NAP1L1: variants seen among roughly 807,000 people sequenced by gnomAD.
The protein encoded by NAP1L1 is nucleosome assembly protein 1-like 1.
NAP1L1 carries 9 observed loss-of-function variants against 58.9 expected under a neutral mutation model. The ratio of observed to expected loss-of-function variants is 0.15; its 90% CI spans 0.09 to 0.27. The LOEUF (loss-of-function observed/expected upper bound fraction) is 0.27, where lower values mean the gene tolerates loss of function less well. Among genes scored for constraint, NAP1L1 ranks in the 10% least tolerant of loss-of-function variants. The pLI is 1.00. For missense variants in NAP1L1, 302 were observed against 458.8 expected (o/e 0.66, Z 3.12); for synonymous variants, 130 against 138.3 (o/e 0.94, Z 0.42).
chr12:76,046,854 T>C lies in NAP1L1; in HGVS notation c.*1575A>G, dbSNP rs913985585. 5.2e-5 allele frequency: 8 copies of C among 152,496 alleles called. No homozygotes were observed. The highest frequency in any genetic ancestry group is 1.0e-4 in the Non-Finnish European group (7 of 67,942). 9.4% of individuals were successfully genotyped at this position (152,496 alleles called of 1,614,324 possible). The stretch of plus-strand genomic sequence containing the variant: ...CTCTACAGTCTGAAATTTAATGGCA[T>C]CTTTTGTCAAAAATAGTCTTATTTC... On this transcript the variant is annotated 3_prime_UTR_variant, in exon 15 of 15. Coordinates refer to ENST00000618691, the MANE Select transcript of NAP1L1 (RefSeq NM_004537.7).
chr12:76,065,275 A>C (rs979310345), intron 4 of NAP1L1, among the ~76,000 whole-genome samples: 2 of 152,190 alleles, frequency 1.3e-5, no homozygotes, highest in African/African-American at 4.8e-5. Context: ...AGATTAAAAA[A>C]CAGTAAATAG....
intron 13 of NAP1L1, 92 bp from the exon 14 acceptor site, chr12:76,049,342 C>A: frequency 6.3e-7 from 1 of 1,598,608 alleles, no homozygotes; most frequent in South Asian, 1.1e-5. Context: ...AGTTACTCTA[C>A]GGATCAACAG....
chr12:76,058,616 G>A (rs1160163478), intron 6 of NAP1L1, among the ~76,000 whole-genome samples: 1 of 152,062 alleles, frequency 6.6e-6, no homozygotes, highest in African/African-American at 2.4e-5. Flanking sequence ...TCGAACTCCT[G>A]ACCTAGTGAT....
chr12:76,049,642 A>G, intron 13 of NAP1L1, 114 bp downstream of exon 13: 1 of 1,538,740 alleles, frequency 6.5e-7, no homozygotes, highest in Non-Finnish European at 8.9e-7. Flanking sequence ...TGTTTTCCAA[A>G]ATGTTTTTAT....
chr12:76,075,041 T>G (rs1416408672), intron 1 of NAP1L1, among the ~76,000 whole-genome samples: 1 of 152,172 alleles, frequency 6.6e-6, no homozygotes, highest in African/African-American at 2.4e-5. Flanking sequence ...ATACTGCTTT[T>G]GGAAAAACAA....
chr12:76,047,415 G>C lies in NAP1L1; in HGVS notation c.*1014C>G, dbSNP rs1948633913. 1 of 144,832 alleles carries C rather than the reference G, an allele frequency of 6.9e-6. No homozygotes were observed. The highest frequency in any genetic ancestry group is 1.5e-5 in the Non-Finnish European group (1 of 66,162). The allele number at this position is 144,832 out of a possible 1,614,324, so 9.0% of individuals were successfully genotyped here. ...AAAGAAAACAGCATCAATCACTTAA[G>C]ATTTTCTTCCTCTTTTTTTTTTTTT... On this transcript the variant is annotated 3_prime_UTR_variant, in exon 15 of 15. Transcript: ENST00000618691.
At chr12:76,056,371 C>A in intron 6 of NAP1L1, 1 of 489,714 alleles carries the variant, frequency 2.0e-6, no homozygotes, top group Non-Finnish European at 3.6e-6. Context: ...CTAAGGTGAC[C>A]AAGATGTGTA....
intron 4 of NAP1L1, among the ~76,000 whole-genome samples, chr12:76,065,868 C>T (rs1281018901): frequency 6.6e-6 from 1 of 151,508 alleles, no homozygotes; most frequent in Non-Finnish European, 1.5e-5. Flanking sequence ...ATGCAACCTG[C>T]CCTGCCAAAT....
intron 1 of NAP1L1, among the ~76,000 whole-genome samples, chr12:76,077,609 C>T (rs1438780947): frequency 6.6e-6 from 1 of 152,098 alleles, no homozygotes; most frequent in African/African-American, 2.4e-5. Context: ...ATTTGTTATA[C>T]ATTAAATTGC....
intron 1 of NAP1L1, among the ~76,000 whole-genome samples, chr12:76,076,555 T>TAC: frequency 1.4e-4 from 1 of 7,276 alleles, no homozygotes; most frequent in Non-Finnish European, 3.2e-4. Context: ...TGGAAATATA[T>TAC]ATATATATAT....
intron 4 of NAP1L1, among the ~76,000 whole-genome samples, chr12:76,063,093 T>A (rs1300940965): frequency 6.6e-6 from 1 of 152,204 alleles, no homozygotes; most frequent in Non-Finnish European, 1.5e-5. Flanking sequence ...GCTTCAGGTT[T>A]GCCACAGATA....
intron 1 of NAP1L1, among the ~76,000 whole-genome samples, chr12:76,075,147 T>C (rs1450350938): frequency 6.6e-6 from 1 of 152,130 alleles, no homozygotes; most frequent in Admixed American, 6.6e-5. Flanking sequence ...CAAGTTTAGA[T>C]AGAATCCATG....
At chr12:76,075,658 T>C (rs1313765959) in intron 1 of NAP1L1, among the ~76,000 whole-genome samples, 1 of 152,182 alleles carries the variant, frequency 6.6e-6, no homozygotes, top group Non-Finnish European at 1.5e-5. Context: ...TACAAAGTGT[T>C]TAGCAATTAT....
intron 4 of NAP1L1, among the ~76,000 whole-genome samples, chr12:76,061,589 T>A (rs1949418581): frequency 6.6e-6 from 1 of 152,222 alleles, no homozygotes; most frequent in Admixed American, 6.5e-5. Context: ...TAAAAGGTTA[T>A]ACACACTAGG....
chr12:76,067,562 C>G, intron 3 of NAP1L1, 89 bp from the exon 4 acceptor site: 1 of 1,022,738 alleles, frequency 9.8e-7, no homozygotes, highest in Non-Finnish European at 1.4e-6. Context: ...TGAAGTTTTC[C>G]TAACTGGCCC....
Position 76,074,196 on chromosome 12 carries a change from CACTT to C in NAP1L1, c.17+3_17+6del. On this transcript the variant is annotated splice_donor_5th_base_variant and intron_variant, in intron 2 of 14. Coordinates refer to ENST00000618691, the MANE Select transcript of NAP1L1 (RefSeq NM_004537.7). Reference sequence around the variant, plus strand: ...CTCTGAAAAAGAACCAACTCTCTGCCACTTACTTGTCAATGTCTGCCATGTTGTA... The same window carrying C: ...CTCTGAAAAAGAACCAACTCTCTGCCACTTGTCAATGTCTGCCATGTTGTA... 2 of 1,597,614 alleles carry C rather than the reference CACTT, an allele frequency of 1.3e-6. No individual in the cohort carries two copies. The highest frequency in any genetic ancestry group is 1.7e-6 in the Non-Finnish European group (2 of 1,168,578).
intron 4 of NAP1L1, among the ~76,000 whole-genome samples, 163 bp from the exon 5 acceptor site, chr12:76,060,442 T>C (rs1052019415): frequency 8.5e-5 from 13 of 152,182 alleles, no homozygotes; most frequent in Non-Finnish European, 1.9e-4. Flanking sequence ...ATAAATACAT[T>C]GATCCACTGG....
intron 4 of NAP1L1, among the ~76,000 whole-genome samples, chr12:76,066,533 A>G (rs903329452): frequency 6.6e-6 from 1 of 152,134 alleles, no homozygotes; most frequent in Non-Finnish European, 1.5e-5. Context: ...GCAACGAAAA[A>G]GGTTCAAGCA....
At chr12:76,063,779 A>G (rs867414662) in intron 4 of NAP1L1, among the ~76,000 whole-genome samples, 1 of 151,970 alleles carries the variant, frequency 6.6e-6, no homozygotes, top group South Asian at 2.1e-4. Flanking sequence ...TGGATGACAA[A>G]GCGAGACACT....
Sources: gnomAD v4.1 joint callset for allele counts (sites outside exome capture counted in the v4.1 genomes callset) on GRCh38, gnomAD v4.1.1 for gene constraint, MANE v1.5 for transcripts, NCBI Gene and HGNC (gene_info 2026-07-23, HGNC 2026-07-21) for gene names.